The following P2RX3 variants were observed in gnomAD, a reference collection of about 807,000 sequenced individuals.
P2RX3 encodes the protein purinergic receptor P2X 3, also known as P2X purinoceptor 3.
In P2RX3, 41 loss-of-function variants were observed where a neutral mutation model predicts 51.5. That is an observed-to-expected ratio of 0.80 (90% CI 0.62 to 1.03). The LOEUF (loss-of-function observed/expected upper bound fraction) is 1.03. P2RX3 is among the 50% of genes least tolerant of loss of function. P2RX3 has a pLI of 0.00. For synonymous variants in P2RX3, 185 were observed against 191.6 expected, an observed-to-expected ratio of 0.97 and a Z score of 0.29; for missense variants, 459 against 522.1, an observed-to-expected ratio of 0.88 and a Z score of 1.18.
intron 8 of P2RX3, among the ~76,000 whole-genome samples, chr11:57,361,330 C>T (rs548490746): frequency 4.6e-5 from 7 of 151,872 alleles, no homozygotes; most frequent in South Asian, 2.1e-4. Context: ...ATGTGCAGGA[C>T]GTGCAGGTTT....
rs548144449 is a variant in P2RX3, at chr11:57,356,435, G to A, written c.842+5537G>A. Among the ~76,000 whole-genome samples, 37 of 152,306 alleles carry A rather than the reference G, an allele frequency of 2.4e-4. 1 individual carries two copies. In the South Asian group the frequency reaches 6.8e-3, roughly 28 times the overall value. On this transcript the variant is annotated intron_variant, in intron 8 of 11. Coordinates refer to ENST00000263314, the MANE Select transcript of P2RX3 (RefSeq NM_002559.5). ...GACAGCTTTGCTACTAAAAGGCAAC[G>A]CAGTTTTGGATTTCCTCTTTTGGTG...
rs1040509133 is a variant in P2RX3, at chr11:57,370,976, C to G, written c.*979C>G. Among the ~76,000 whole-genome samples, 11 of 152,238 alleles carry G rather than the reference C, an allele frequency of 7.2e-5. No individual in the cohort carries two copies. Among genetic ancestry groups the G allele is most frequent in the Non-Finnish European group, 1.5e-4 (10 of 68,044 alleles). ...GCTCAGCTGGGTTGGCCAGGCCTGTCCCCATAGGGTCTTAATAAGGTGCCC... is the reference window on the plus strand; with the variant it reads ...GCTCAGCTGGGTTGGCCAGGCCTGTGCCCATAGGGTCTTAATAAGGTGCCC... On this transcript the variant is annotated 3_prime_UTR_variant, in exon 12 of 12. Coordinates refer to ENST00000263314, the MANE Select transcript of P2RX3 (RefSeq NM_002559.5).
intron 10 of P2RX3, 35 bp downstream of exon 10, chr11:57,368,472 T>A: frequency 6.2e-7 from 1 of 1,610,660 alleles, no homozygotes; most frequent in Non-Finnish European, 8.5e-7. Context: ...GACGGGCCAG[T>A]CAGAGTGGGG....
chr11:57,361,696 G>A (rs1856721988), intron 8 of P2RX3, among the ~76,000 whole-genome samples: 1 of 152,136 alleles, frequency 6.6e-6, no homozygotes, highest in African/African-American at 2.4e-5. Context: ...TATCATTGAT[G>A]GGCATTTGAG....
At chr11:57,369,068 C>G (rs900356961) in intron 10 of P2RX3, among the ~76,000 whole-genome samples, 8 of 152,196 alleles carry the variant, frequency 5.3e-5, no homozygotes, top group African/African-American at 9.7e-5. Context: ...ATCCATTAAT[C>G]CATGCATCCA....
chr11:57,371,410 C>T lies in P2RX3; in HGVS notation c.*1413C>T, dbSNP rs1856884267. On this transcript the variant is annotated 3_prime_UTR_variant, in exon 12 of 12. Coordinates refer to ENST00000263314, the MANE Select transcript of P2RX3 (RefSeq NM_002559.5). ...CAATAGCTTCATGATAAATCTGCAT[C>T]TGGCAGTCAGAGTGGGCATGATCAT... is the stretch of plus-strand genomic sequence containing the variant. Among the ~76,000 whole-genome samples the T allele has an allele frequency of 6.6e-6, 1 of 152,246 alleles. No homozygotes were observed. Among genetic ancestry groups the T allele is most frequent in the African/African-American group, 2.4e-5 (1 of 41,468 alleles).
chr11:57,357,554 C>T (rs1171030588), intron 8 of P2RX3, among the ~76,000 whole-genome samples: 1 of 152,080 alleles, frequency 6.6e-6, no homozygotes, highest in Non-Finnish European at 1.5e-5. Context: ...GAGCAGAGAG[C>T]GAGTAAACTG....
intron 8 of P2RX3, 102 bp from the exon 9 acceptor site, chr11:57,367,907 G>T: frequency 1.2e-6 from 1 of 858,908 alleles, no homozygotes; most frequent in East Asian, 2.5e-5. Flanking sequence ...GTAAGTAAGG[G>T]TTGCTCAGTG....
In P2RX3 at chr11:57,338,761, G is replaced by C. The variant is rs1438292862; in HGVS notation, c.119+92G>C. 5 of 819,228 alleles carry C rather than the reference G, an allele frequency of 6.1e-6. No homozygotes were observed. In the East Asian group the frequency reaches 1.3e-4, roughly 21 times the overall value. 50.7% of individuals were successfully genotyped at this position (819,228 alleles called of 1,614,324 possible). On this transcript the variant is annotated intron_variant, in intron 1 of 11. Coordinates refer to ENST00000263314, the MANE Select transcript of P2RX3 (RefSeq NM_002559.5). ...CCTCGGTGCTACCATCCAGCTTCCT[G>C]AGCTCCTCTGCTCCTGGGGGAAACA...
rs765350182 is a variant in P2RX3 at position 57,369,475 on chromosome 11, GA to G, written c.1080+38del. 21 of 1,585,474 alleles carry G rather than the reference GA, an allele frequency of 1.3e-5. No individual in the cohort carries two copies. In the Admixed American group the frequency reaches 2.9e-4, roughly 22 times the overall value. On this transcript the variant is annotated intron_variant, in intron 11 of 11. Coordinates refer to ENST00000263314, the MANE Select transcript of P2RX3 (RefSeq NM_002559.5). Reference sequence around the variant, plus strand: ...AAGGGGCACCCTTGGATAAAAGGGAGAGGGGGCAGGGCAGGCAGGGGCAGGG... The same window carrying G: ...AAGGGGCACCCTTGGATAAAAGGGAGGGGGGCAGGGCAGGCAGGGGCAGGG...
At chr11:57,338,741 G>T in intron 1 of P2RX3, 72 bp downstream of exon 1, 2 of 1,020,726 alleles carry the variant, frequency 2.0e-6, no homozygotes, top group Non-Finnish European at 3.0e-6. Flanking sequence ...TCCTGCCTCG[G>T]TGCTACCATC....
In P2RX3 at chr11:57,371,008, C is replaced by A. The variant is rs1355463796; in HGVS notation, c.*1011C>A. Among the ~76,000 whole-genome samples the A allele has an allele frequency of 6.6e-6, 1 of 152,216 alleles. No individual in the cohort carries two copies. Among genetic ancestry groups the A allele is most frequent in the Non-Finnish European group, 1.5e-5 (1 of 68,032 alleles). The stretch of plus-strand genomic sequence containing the variant: ...GGGTCTTAATAAGGTGCCCCATTTT[C>A]TAAGGTTAGAAGCTAAAGGGGCCTT... On this transcript the variant is annotated 3_prime_UTR_variant, in exon 12 of 12. Transcript: ENST00000263314.
intron 1 of P2RX3, among the ~76,000 whole-genome samples, chr11:57,344,572 G>A (rs998505931): frequency 6.6e-6 from 1 of 152,108 alleles, no homozygotes; most frequent in African/African-American, 2.4e-5. Flanking sequence ...GGTTGTGCAT[G>A]CCTGTAGTCC....
intron 1 of P2RX3, among the ~76,000 whole-genome samples, chr11:57,343,211 G>A (rs1348183130): frequency 6.6e-6 from 1 of 152,204 alleles, no homozygotes; most frequent in Non-Finnish European, 1.5e-5. Flanking sequence ...GAATTCTAAT[G>A]TGGCCTCTCC....
chr11:57,350,070 G>A (rs897682145), intron 7 of P2RX3, among the ~76,000 whole-genome samples, 172 bp downstream of exon 7: 2 of 152,054 alleles, frequency 1.3e-5, no homozygotes, highest in African/African-American at 4.8e-5. Flanking sequence ...TGCTTTCCCC[G>A]CGCAGAGCGA....
At chr11:57,369,786 A>C in intron 11 of P2RX3, 98 bp from the exon 12 acceptor site, 1 of 826,482 alleles carries the variant, frequency 1.2e-6, no homozygotes, top group Non-Finnish European at 2.0e-6. Flanking sequence ...CCTCATGACT[A>C]GGTCATGGGC....
intron 8 of P2RX3, among the ~76,000 whole-genome samples, chr11:57,360,799 A>AAAAAAAAG (rs1469003304): frequency 6.6e-6 from 1 of 151,066 alleles, no homozygotes; most frequent in Non-Finnish European, 1.5e-5. Context: ...CTGTCTCAAA[A>AAAAAAAAG]AAAAAAAGAA....
intron 8 of P2RX3, among the ~76,000 whole-genome samples, chr11:57,366,506 G>C (rs1856798951): frequency 6.6e-6 from 1 of 152,068 alleles, no homozygotes. Flanking sequence ...GAGCTCACCA[G>C]CTGGTGAACT....
At chr11:57,355,273 A>G (rs1462759943) in intron 8 of P2RX3, among the ~76,000 whole-genome samples, 1 of 151,898 alleles carries the variant, frequency 6.6e-6, no homozygotes. Context: ...AGGAAGATGC[A>G]TGTATTCATA....
Sources: allele counts gnomAD v4.1 joint callset (sites outside exome capture counted in the v4.1 genomes callset), GRCh38; gene constraint gnomAD v4.1.1; transcripts MANE v1.5; gene names NCBI Gene and HGNC (gene_info 2026-07-23, HGNC 2026-07-21).